Variants in LRBA observed in about 807,000 individuals in gnomAD.
The protein encoded by LRBA is lipopolysaccharide-responsive and beige-like anchor protein.
Under a neutral mutation model 330.0 loss-of-function variants are expected in LRBA, and 176 were observed. That is an observed-to-expected ratio of 0.53 (90% confidence interval 0.47 to 0.60). LRBA has a LOEUF of 0.60. LRBA is among the 20% of genes least tolerant of loss of function. LRBA has a pLI of 0.00. For synonymous variants in LRBA, 1,230 were observed against 1,193.0 expected, an observed-to-expected ratio of 1.03 and a Z score of -0.64; for missense variants, 3,259 against 3,444.8, an observed-to-expected ratio of 0.95 and a Z score of 1.35.
At chr4:150,593,527 C>G (rs921406621) in intron 38 of LRBA, among the ~76,000 whole-genome samples, 1 of 152,082 alleles carries the variant, frequency 6.6e-6, no homozygotes, top group African/African-American at 2.4e-5. Context: ...CATATTAGCT[C>G]TTAGATGTAA....
In LRBA at chr4:150,828,299, G is replaced by A. The variant is rs780588673; in HGVS notation, c.5052C>T (p.Ser1684=). Residue 1684 remains serine (S), a synonymous_variant, in exon 30 of 57, where the codon AGC becomes AGT. Coordinates refer to ENST00000651943, the MANE Select transcript of LRBA (RefSeq NM_001364905.1). ...KNVNVKDILR[S]LVNIPADGVT... is the part of the protein sequence containing the mutation. ...CTCCATCTGCTGGTATGTTAACCAA[G>A]CTTCGGAGAATGTCTTTCACATTGA... 3 of 1,614,160 alleles carry A rather than the reference G, an allele frequency of 1.9e-6. No homozygotes were observed. Among genetic ancestry groups the A allele is most frequent in the Middle Eastern group, 1.7e-4 (1 of 6,060 alleles).
chr4:150,927,252 A>G (rs543693305), intron 4 of LRBA, among the ~76,000 whole-genome samples: 1 of 152,006 alleles, frequency 6.6e-6, no homozygotes, highest in South Asian at 2.1e-4. Context: ...ATACGCCTGT[A>G]GTCCCAGCTA....
intron 4 of LRBA, among the ~76,000 whole-genome samples, chr4:150,927,677 T>C (rs766554177): frequency 3.3e-5 from 5 of 152,098 alleles, no homozygotes; most frequent in Non-Finnish European, 7.4e-5. Flanking sequence ...AATTATCTTA[T>C]ACCCCCACAG....
intron 17 of LRBA, among the ~76,000 whole-genome samples, chr4:150,874,485 G>T (rs953027812): frequency 4.6e-5 from 7 of 152,232 alleles, no homozygotes; most frequent in Non-Finnish European, 1.0e-4. Context: ...TCAGCAGTAG[G>T]TGTTATAATT....
intron 40 of LRBA, among the ~76,000 whole-genome samples, chr4:150,502,381 C>G (rs1235747087): frequency 1.3e-5 from 2 of 152,126 alleles, no homozygotes. Context: ...TATCCCAGAA[C>G]AATGTATTAT....
intron 44 of LRBA, among the ~76,000 whole-genome samples, chr4:150,453,468 A>T (rs1171283975): frequency 6.6e-6 from 1 of 152,208 alleles, no homozygotes; most frequent in Non-Finnish European, 1.5e-5. Context: ...ACACACAAAA[A>T]AATGAACCTT....
At chr4:150,337,622 C>T (rs1057000493) in intron 48 of LRBA, among the ~76,000 whole-genome samples, 4 of 152,152 alleles carry the variant, frequency 2.6e-5, no homozygotes, top group Non-Finnish European at 5.9e-5. Flanking sequence ...TGCACTGTGT[C>T]AAATATGCCA....
chr4:150,270,588 A>C lies in LRBA; in HGVS notation c.8469-4776T>G, dbSNP rs529085640. ...TATGATGAAAAGGGTCTGGAAATGG[A>C]TGATGGTGATGGTGGCACAACACTG... On this transcript the variant is annotated intron_variant, in intron 56 of 56. Coordinates refer to ENST00000651943, the MANE Select transcript of LRBA (RefSeq NM_001364905.1). Among the ~76,000 whole-genome samples the C allele has an allele frequency of 6.5e-4, 99 of 152,320 alleles. 2 individuals carry two copies. The highest frequency in any genetic ancestry group is 2.3e-3 in the African/African-American group (96 of 41,580).
chr4:150,583,702 G>A lies in LRBA; in HGVS notation c.6330+4346C>T. Reference sequence around the variant, plus strand: ...CTCGCTGACCGGCAAGCAGAGCTCGGCAGAGAGCGACGCCTGGGTGCTACA... The same window carrying A: ...CTCGCTGACCGGCAAGCAGAGCTCGACAGAGAGCGACGCCTGGGTGCTACA... On this transcript the variant is annotated intron_variant, in intron 40 of 56. Transcript: ENST00000651943. The surrounding 1 kb of genome is among the most constrained non-coding windows in gnomAD (Gnocchi z 9.8). 6.2e-7 allele frequency: 1 copy of A among 1,613,540 alleles called. No individual in the cohort carries two copies. The highest frequency in any genetic ancestry group is 1.1e-5 in the South Asian group (1 of 90,980).
intron 56 of LRBA, among the ~76,000 whole-genome samples, chr4:150,276,207 T>C (rs1746740598): frequency 6.6e-6 from 1 of 152,184 alleles, no homozygotes; most frequent in Non-Finnish European, 1.5e-5. Context: ...TAGTAAATGG[T>C]GTTGGGAAAA....
rs542157380 is a variant in LRBA, at chr4:150,905,746, T to C, written c.1755+92A>G. The C allele has an allele frequency of 1.4e-5, 16 of 1,173,546 alleles. No individual in the cohort carries two copies. The African/African-American group carries it at 2.3e-4, about 17-fold the overall frequency. 72.7% of individuals were successfully genotyped at this position (1,173,546 alleles called of 1,614,324 possible). ...CACTGAAGTCTTGCATAATAGTACA[T>C]AAAAAAAAGAAAATCCTCTTAATTA... On this transcript the variant is annotated intron_variant, in intron 13 of 56. Coordinates refer to ENST00000651943, the MANE Select transcript of LRBA (RefSeq NM_001364905.1).
At chr4:150,501,134 G>A (rs972462419) in intron 40 of LRBA, among the ~76,000 whole-genome samples, 3 of 152,132 alleles carry the variant, frequency 2.0e-5, no homozygotes, top group African/African-American at 7.2e-5. Flanking sequence ...GACTTTTGGG[G>A]TTAACCTCAT....
chr4:150,282,815 T>G (rs781511250), intron 54 of LRBA, among the ~76,000 whole-genome samples, 169 bp from the exon 55 acceptor site: 1 of 152,228 alleles, frequency 6.6e-6, no homozygotes, highest in Non-Finnish European at 1.5e-5. Flanking sequence ...CTCCTCTTCA[T>G]GTTTGCCAGA....
At chr4:150,789,550 C>T (rs1307377036) in intron 34 of LRBA, among the ~76,000 whole-genome samples, 1 of 152,086 alleles carries the variant, frequency 6.6e-6, no homozygotes, top group African/African-American at 2.4e-5. Flanking sequence ...CATAAACATA[C>T]AGCAAGATTT....
At chr4:150,576,900 C>T (rs1770609733) in intron 40 of LRBA, among the ~76,000 whole-genome samples, 1 of 151,812 alleles carries the variant, frequency 6.6e-6, no homozygotes, top group Admixed American at 6.6e-5. Context: ...CAAATGAGAA[C>T]AATACCCTTG....
intron 36 of LRBA, among the ~76,000 whole-genome samples, chr4:150,730,152 T>C (rs1266677343): frequency 6.6e-6 from 1 of 152,090 alleles, no homozygotes; most frequent in Admixed American, 6.6e-5. Context: ...AATGGGATGA[T>C]ATCAAGTTAA....
intron 14 of LRBA, among the ~76,000 whole-genome samples, chr4:150,898,892 A>G (rs1007939219): frequency 7.1e-4 from 108 of 152,316 alleles, no homozygotes; most frequent in African/African-American, 2.6e-3. Flanking sequence ...GCTAAATTAT[A>G]GGTACCAGAT....
intron 2 of LRBA, among the ~76,000 whole-genome samples, chr4:150,953,731 G>A (rs1438786987): frequency 1.3e-5 from 2 of 151,756 alleles, no homozygotes; most frequent in East Asian, 2.0e-4. Flanking sequence ...CCTCCCAGCC[G>A]CCTGCCTTGG....
intron 28 of LRBA, among the ~76,000 whole-genome samples, chr4:150,841,722 G>C (rs985484542): frequency 6.6e-6 from 1 of 151,816 alleles, no homozygotes; most frequent in Admixed American, 6.6e-5. Flanking sequence ...GTGTGACCTG[G>C]GCTCACTGCA....
Sources: gnomAD v4.1 joint callset for allele counts (sites outside exome capture counted in the v4.1 genomes callset) on GRCh38, gnomAD v4.1.1 for gene constraint, Gnocchi (gnomAD v3.1) non-coding constraint, MANE v1.5 for transcripts, NCBI Gene and HGNC (gene_info 2026-07-23, HGNC 2026-07-21) for gene names.